The following STARD13 variants were observed in gnomAD, a reference collection of about 807,000 sequenced individuals.
The protein encoded by STARD13 is stAR-related lipid transfer protein 13.
Under a neutral mutation model 106.4 loss-of-function variants are expected in STARD13, and 62 were observed. The ratio of observed to expected loss-of-function variants is 0.58; its 90% CI spans 0.48 to 0.72. The LOEUF (loss-of-function observed/expected upper bound fraction) is 0.72, where lower values mean the gene tolerates loss of function less well. STARD13 is among the 30% of genes least tolerant of loss of function. STARD13 has a pLI of 0.00. For missense variants in STARD13, 1,387 were observed against 1,424.0 expected, an observed-to-expected ratio of 0.97 and a Z score of 0.42; for synonymous variants, 565 against 553.0, an observed-to-expected ratio of 1.02 and a Z score of -0.31.
the STARD13 span, among the ~76,000 whole-genome samples, chr13:33,470,068 G>T: frequency 1.8e-4 from 28 of 151,876 alleles, no homozygotes; most frequent in Non-Finnish European, 5.9e-5. Flanking sequence ...TCCCCGACAG[G>T]CTCCACTGTG....
At chr13:33,645,730 C>A in the STARD13 span, among the ~76,000 whole-genome samples, 2 of 152,186 alleles carry the variant, frequency 1.3e-5, no homozygotes, top group East Asian at 1.9e-4. Flanking sequence ...AAGATAGAAG[C>A]AAGTGGCTTT....
chr13:33,609,127 C>T, the STARD13 span, among the ~76,000 whole-genome samples: 3 of 144,134 alleles, frequency 2.1e-5, no homozygotes, highest in African/African-American at 7.9e-5. Flanking sequence ...CATTTAACTA[C>T]ATTGAAAATT....
intron 1 of STARD13, among the ~76,000 whole-genome samples, chr13:33,201,197 G>A (rs1037012772): frequency 4.6e-5 from 7 of 152,106 alleles, no homozygotes; most frequent in Non-Finnish European, 7.4e-5. Flanking sequence ...CCCCTGTACC[G>A]AGAGCTTCAG....
downstream of STARD13, among the ~76,000 whole-genome samples, chr13:33,344,631 C>G (rs761372522): frequency 6.6e-6 from 1 of 152,160 alleles, no homozygotes; most frequent in Non-Finnish European, 1.5e-5. Context: ...TTTAACATGA[C>G]AAGAACTCAC....
At chr13:33,222,730 A>G (rs963014399) in intron 1 of STARD13, among the ~76,000 whole-genome samples, 6 of 152,240 alleles carry the variant, frequency 3.9e-5, no homozygotes, top group Non-Finnish European at 8.8e-5. Context: ...TAAGATAGCT[A>G]TATGTTCTAT....
chr13:33,595,024 A>C, the STARD13 span, among the ~76,000 whole-genome samples: 1 of 152,234 alleles, frequency 6.6e-6, no homozygotes, highest in African/African-American at 2.4e-5. Flanking sequence ...TATATCAAAA[A>C]GTGGAATTGC....
the STARD13 span, among the ~76,000 whole-genome samples, chr13:33,412,522 CA>C: frequency 6.6e-6 from 1 of 151,920 alleles, no homozygotes; most frequent in African/African-American, 2.4e-5. Flanking sequence ...TAATTAAAGA[CA>C]AAAATTGAAA....
At chr13:33,520,660 T>C in the STARD13 span, among the ~76,000 whole-genome samples, 2 of 152,042 alleles carry the variant, frequency 1.3e-5, no homozygotes, top group African/African-American at 4.8e-5. Context: ...GTCGTGAGGA[T>C]TTGCTTCACA....
the STARD13 span, among the ~76,000 whole-genome samples, chr13:33,497,622 C>G: frequency 6.6e-6 from 1 of 152,128 alleles, no homozygotes; most frequent in African/African-American, 2.4e-5. Context: ...ACTTGGTGGC[C>G]AAATTAGCTG....
At chr13:33,199,757 G>T (rs550702767) in intron 1 of STARD13, among the ~76,000 whole-genome samples, 7 of 152,114 alleles carry the variant, frequency 4.6e-5, no homozygotes, top group Non-Finnish European at 1.0e-4. Flanking sequence ...GTTACATAAG[G>T]GTTCTTTTCA....
the STARD13 span, among the ~76,000 whole-genome samples, chr13:33,431,273 G>A: frequency 6.6e-6 from 1 of 152,032 alleles, no homozygotes; most frequent in Non-Finnish European, 1.5e-5. Flanking sequence ...GCTGTTAAGT[G>A]TAAAATACAC....
the STARD13 span, among the ~76,000 whole-genome samples, chr13:33,642,898 G>A: frequency 6.7e-6 from 1 of 149,688 alleles, no homozygotes; most frequent in East Asian, 2.0e-4. Context: ...CTGAGATCAA[G>A]GAAGCCAGGT....
chr13:33,170,416 T>A (rs1471640290), intron 1 of STARD13, among the ~76,000 whole-genome samples: 1 of 152,234 alleles, frequency 6.6e-6, no homozygotes, highest in Non-Finnish European at 1.5e-5. Context: ...AAAAGGCTCC[T>A]CAGATAATAG....
the STARD13 span, among the ~76,000 whole-genome samples, chr13:33,381,101 A>G: frequency 1.3e-5 from 2 of 152,240 alleles, no homozygotes; most frequent in Admixed American, 6.5e-5. Flanking sequence ...TGAGGAATGT[A>G]TATTTGAGGG....
the STARD13 span, among the ~76,000 whole-genome samples, chr13:33,514,422 G>T: frequency 3.9e-5 from 6 of 152,144 alleles, no homozygotes; most frequent in African/African-American, 1.4e-4. Flanking sequence ...TGGAGAAATT[G>T]TTGGGCTTGT....
the STARD13 span, among the ~76,000 whole-genome samples, chr13:33,424,900 T>G: frequency 5.9e-5 from 9 of 152,172 alleles, no homozygotes; most frequent in African/African-American, 2.2e-4. Context: ...CTTTGGTAAA[T>G]TTTCCAGCAG....
the STARD13 span, among the ~76,000 whole-genome samples, chr13:33,443,215 AAAATAC>A: frequency 1.3e-5 from 2 of 151,916 alleles, no homozygotes; most frequent in African/African-American, 4.8e-5. Flanking sequence ...GTCTCTACTA[AAAATAC>A]AAAAAATTAG....
chr13:33,479,597 T>C, the STARD13 span, among the ~76,000 whole-genome samples: 1 of 152,236 alleles, frequency 6.6e-6, no homozygotes, highest in African/African-American at 2.4e-5. Context: ...TGTACTGCTA[T>C]GGAGTTGACA....
chr13:33,258,690 T>G (rs543357676), intron 1 of STARD13, among the ~76,000 whole-genome samples: 115 of 152,230 alleles, frequency 7.6e-4, no homozygotes, highest in Non-Finnish European at 1.5e-3. Flanking sequence ...AACCCTTTTA[T>G]GGTCAGGCTG....
Sources: gnomAD v4.1 joint callset for allele counts (sites outside exome capture counted in the v4.1 genomes callset) on GRCh38, gnomAD v4.1.1 for gene constraint, MANE v1.5 for transcripts, NCBI Gene and HGNC (gene_info 2026-07-23, HGNC 2026-07-21) for gene names.